The following LUZP2 variants were observed in gnomAD, a reference collection of about 807,000 sequenced individuals.
LUZP2 encodes the protein leucine zipper protein 2.
LUZP2 carries 52 observed loss-of-function variants against 51.6 expected under a neutral mutation model. The ratio of observed to expected loss-of-function variants is 1.01; its 90% CI spans 0.81 to 1.27. LUZP2 has a LOEUF of 1.27. Ranked by LOEUF, LUZP2 falls within the 50% of genes most tolerant of loss-of-function variation. LUZP2 has a pLI of 0.00. For missense variants in LUZP2, 436 were observed against 395.4 expected, an observed-to-expected ratio of 1.10 and a Z score of -0.87; for synonymous variants, 154 against 137.3, an observed-to-expected ratio of 1.12 and a Z score of -0.85.
At chr11:24,508,783 A>G (rs888949838) in intron 1 of LUZP2, among the ~76,000 whole-genome samples, 2 of 152,168 alleles carry the variant, frequency 1.3e-5, no homozygotes, top group Admixed American at 6.5e-5. Context: ...AGGTTACTTT[A>G]TTTAATGCTT....
intron 5 of LUZP2, among the ~76,000 whole-genome samples, chr11:24,838,141 G>T (rs150805374): frequency 1.3e-5 from 2 of 151,584 alleles, no homozygotes; most frequent in South Asian, 4.1e-4. Context: ...TTGCTGATAT[G>T]TAGTACAGCC....
At chr11:25,002,145 C>G (rs1039606628) in intron 9 of LUZP2, among the ~76,000 whole-genome samples, 2 of 152,196 alleles carry the variant, frequency 1.3e-5, no homozygotes, top group African/African-American at 4.8e-5. Flanking sequence ...TTTCCCAATT[C>G]TAAGTCTTGG....
chr11:24,574,394 A>ATCTCTC (rs139446364), intron 1 of LUZP2, among the ~76,000 whole-genome samples: 3 of 138,900 alleles, frequency 2.2e-5, no homozygotes, highest in East Asian at 2.1e-4. Flanking sequence ...TCTTTCTTTC[A>ATCTCTC]TCTCTCTCTC....
At chr11:24,762,861 G>T (rs1380125049) in intron 4 of LUZP2, 1 of 325,290 alleles carries the variant, frequency 3.1e-6, no homozygotes, top group Non-Finnish European at 4.4e-6. Flanking sequence ...TTGGCGACAG[G>T]TCATAATTAC....
intron 1 of LUZP2, among the ~76,000 whole-genome samples, chr11:24,505,275 A>G (rs1001259540): frequency 1.3e-5 from 2 of 152,128 alleles, no homozygotes; most frequent in Non-Finnish European, 2.9e-5. Context: ...GTGCTGATAA[A>G]TGGAGTCGGG....
At chr11:24,941,996 C>T (rs1466719696) in intron 7 of LUZP2, among the ~76,000 whole-genome samples, 3 of 152,062 alleles carry the variant, frequency 2.0e-5, no homozygotes, top group East Asian at 1.9e-4. Context: ...GAAATAAAAA[C>T]ACTTAGCATA....
intron 5 of LUZP2, among the ~76,000 whole-genome samples, chr11:24,873,931 G>T (rs1852164314): frequency 6.6e-6 from 1 of 152,144 alleles, no homozygotes; most frequent in African/African-American, 2.4e-5. Flanking sequence ...TAATGATTCT[G>T]TAGATCTTCC....
At chr11:25,005,333 C>A (rs1238123340) in intron 9 of LUZP2, among the ~76,000 whole-genome samples, 2 of 152,136 alleles carry the variant, frequency 1.3e-5, no homozygotes, top group Non-Finnish European at 2.9e-5. Flanking sequence ...GATTCACCTT[C>A]AATTAAAAGA....
At chr11:24,631,341 T>C (rs1268562246) in intron 1 of LUZP2, among the ~76,000 whole-genome samples, 3 of 151,924 alleles carry the variant, frequency 2.0e-5, no homozygotes. Context: ...ATGGCCATTA[T>C]CATTTTGAGG....
At chr11:24,808,447 T>A (rs1849917897) in intron 5 of LUZP2, among the ~76,000 whole-genome samples, 2 of 152,162 alleles carry the variant, frequency 1.3e-5, no homozygotes, top group South Asian at 4.1e-4. Context: ...GCTGAGAAAA[T>A]TTAATCTTTT....
chr11:24,764,628 A>C (rs2631411), intron 5 of LUZP2, among the ~76,000 whole-genome samples: 151,566 of 152,060 alleles, frequency 1, 75,541 homozygotes, highest in Non-Finnish European at 1. Context: ...CATGTCACTG[A>C]ATTTCAGCCT....
At chr11:24,879,414 A>T (rs1259657836) in intron 5 of LUZP2, among the ~76,000 whole-genome samples, 1 of 152,180 alleles carries the variant, frequency 6.6e-6, no homozygotes, top group Non-Finnish European at 1.5e-5. Context: ...AATGATTTAT[A>T]TTCATTTTGC....
In LUZP2 at chr11:25,072,694, TTTTA is replaced by T. The variant is rs1335221919; in HGVS notation, c.859-4630_859-4627del. ...AGTGTAGCTTTTTTAAATTAAGAGGTTTTATTTAAGAATTAAATTATGTTGTTTC... is the reference window on the plus strand; with the variant it reads ...AGTGTAGCTTTTTTAAATTAAGAGGTTTTAAGAATTAAATTATGTTGTTTC... On this transcript the variant is annotated intron_variant, in intron 10 of 11. Transcript: ENST00000336930. Among the ~76,000 whole-genome samples, 2 of 152,096 alleles carry T rather than the reference TTTTA, an allele frequency of 1.3e-5. 1 individual carries two copies. The highest frequency in any genetic ancestry group is 4.8e-5 in the African/African-American group (2 of 41,512).
chr11:24,712,742 T>C (rs543252494), intron 1 of LUZP2, among the ~76,000 whole-genome samples: 138 of 152,350 alleles, frequency 9.1e-4, no homozygotes, highest in Non-Finnish European at 1.6e-3. Flanking sequence ...AGAGCCTGAC[T>C]AAAATTTGGC....
At chr11:24,690,240 TAA>T (rs1857024994) in intron 1 of LUZP2, among the ~76,000 whole-genome samples, 2 of 152,068 alleles carry the variant, frequency 1.3e-5, no homozygotes, top group Non-Finnish European at 2.9e-5. Flanking sequence ...GGAAAAAAAA[TAA>T]AAAGTCTCTT....
At chr11:24,949,783 G>C (rs1000573474) in intron 7 of LUZP2, among the ~76,000 whole-genome samples, 2 of 151,552 alleles carry the variant, frequency 1.3e-5, no homozygotes, top group African/African-American at 2.4e-5. Flanking sequence ...ATTGATAGAA[G>C]GATTAATGAT....
chr11:25,050,696 G>GT (rs1858482292), intron 10 of LUZP2, among the ~76,000 whole-genome samples: 1 of 151,984 alleles, frequency 6.6e-6, no homozygotes, highest in African/African-American at 2.4e-5. Flanking sequence ...TTTTAGAGAG[G>GT]TAAGTGGAGG....
intron 10 of LUZP2, among the ~76,000 whole-genome samples, chr11:25,054,747 TGTATATATTTATGGGATGAGATAAAAAC>T: frequency 6.6e-6 from 1 of 152,152 alleles, no homozygotes; most frequent in East Asian, 1.9e-4. Context: ...CCATAGTAGG[TGTATATATTTATGGGATGAGATAAAAAC>T]ATGAGATGTT....
intron 9 of LUZP2, among the ~76,000 whole-genome samples, chr11:24,993,431 T>C (rs1856408931): frequency 6.6e-6 from 1 of 152,172 alleles, no homozygotes; most frequent in Non-Finnish European, 1.5e-5. Flanking sequence ...TTGGGAAATA[T>C]ATTAAGGAAA....
Sources: allele counts gnomAD v4.1 joint callset (sites outside exome capture counted in the v4.1 genomes callset), GRCh38; gene constraint gnomAD v4.1.1; transcripts MANE v1.5; gene names NCBI Gene and HGNC (gene_info 2026-07-23, HGNC 2026-07-21).